PLCB3: variants seen among roughly 807,000 people sequenced by gnomAD.
PLCB3 encodes phospholipase C beta 3.
In PLCB3, 54 loss-of-function variants were observed where a neutral mutation model predicts 152.1. That is an observed-to-expected ratio of 0.36 (90% CI 0.29 to 0.45). The LOEUF (loss-of-function observed/expected upper bound fraction) is 0.45, where lower values mean the gene tolerates loss of function less well. Ranked by LOEUF, PLCB3 falls within the 20% of genes least tolerant of loss-of-function variation. PLCB3 has a pLI of 1.00. For synonymous variants in PLCB3, 717 were observed against 698.7 expected, an observed-to-expected ratio of 1.03 and a Z score of -0.41; for missense variants, 1,248 against 1,687.5, an observed-to-expected ratio of 0.74 and a Z score of 4.56.
rs1232583798 is a variant in PLCB3 at position 64,261,582 on chromosome 11, G to A, written c.1830G>A (p.Lys610=). The A allele has an allele frequency of 6.2e-7, 1 of 1,614,150 alleles. No homozygotes were observed. Among genetic ancestry groups the A allele is most frequent in the Non-Finnish European group, 8.5e-7 (1 of 1,179,980 alleles). Residue 610 remains lysine (K), a splice_region_variant and synonymous_variant, in exon 16 of 31, where the codon AAG becomes AAA. Coordinates refer to ENST00000279230, the MANE Select transcript of PLCB3 (RefSeq NM_000932.5). ...GCCCTTTCTTGGCTCACCCCTAAGA[G>A]AGGAACAAATGCTTCGAGATGTCGT... ...VKFKSFEAAR[K]RNKCFEMSSF... is the part of the protein sequence containing the mutation.
rs147676019 is a variant in PLCB3 at position 64,265,395 on chromosome 11, G to A, written c.2928G>A (p.Glu976=). 95 of 1,612,558 alleles carry A rather than the reference G, an allele frequency of 5.9e-5. 1 individual carries two copies. The highest frequency in any genetic ancestry group is 3.4e-4 in the South Asian group (31 of 91,062). Residue 976 remains glutamate, a synonymous_variant, in exon 25 of 31, where the codon GAG becomes GAA. Coordinates refer to ENST00000279230, the MANE Select transcript of PLCB3 (RefSeq NM_000932.5). The part of the protein sequence containing the change: ...LRSRQERDLR[E]LRKKHQRKAV... ...GCCGGCAAGAGCGAGACCTGCGGGA[G>A]CTGCGCAAGAAGCATCAGCGGAAGG... is the stretch of plus-strand genomic sequence containing the variant.
chr11:64,256,498 T>C lies in PLCB3; in HGVS notation c.821T>C (p.Leu274Pro). ...YPPLRPSQAR[L>P]LIEKYEPNQQ... ...CCCCTGCGGCCCTCCCAGGCCCGGCTGCTCATCGAAAAGTATGAGCCCAAC... is the reference window on the plus strand; with the variant it reads ...CCCCTGCGGCCCTCCCAGGCCCGGCCGCTCATCGAAAAGTATGAGCCCAAC... The change falls in exon 9 of 31, where the codon CTG (leucine) becomes CCG (proline). Residue 274 changes from leucine to proline, a missense_variant. Transcript: ENST00000279230. 3 of 1,613,864 alleles carry C rather than the reference T, an allele frequency of 1.9e-6. No individual in the cohort carries two copies. The highest frequency in any genetic ancestry group is 2.5e-6 in the Non-Finnish European group (3 of 1,180,008).
In PLCB3 at chr11:64,258,948, C is replaced by A. The variant is rs777447734; in HGVS notation, c.1317C>A (p.Ile439=). 6.2e-7 allele frequency: 1 copy of A among 1,613,550 alleles called. No homozygotes were observed. ...CCATCTTTGGAGACGCGCTACTCAT[C>A]GAGCCTCTGGACAAGTACCCGGTAC... ...CRSIFGDALL[I]EPLDKYPLAP... Residue 439 remains isoleucine (I), a synonymous_variant, in exon 12 of 31, where the codon ATC becomes ATA. Coordinates refer to ENST00000279230, the MANE Select transcript of PLCB3 (RefSeq NM_000932.5). The surrounding 1 kb of genome is among the most constrained non-coding windows in gnomAD (Gnocchi z 7.2).
chr11:64,258,754 C>T lies in PLCB3; in HGVS notation c.1253+41C>T, dbSNP rs1335841874. On this transcript the variant is annotated intron_variant, in intron 11 of 30. Transcript: ENST00000279230. This position sits in a 1 kb window ranked among gnomAD's most constrained non-coding sequence, Gnocchi z 7.2. ...GCATGAAACCCCATGGACCGGGGGA[C>T]AGTCTTCCAGCTTCAGTGCTGTTGG... 1.2e-5 allele frequency: 19 copies of T among 1,609,876 alleles called. No homozygotes were observed. The highest frequency in any genetic ancestry group is 2.7e-5 in the African/African-American group (2 of 74,988).
chr11:64,264,462 C>T (rs12049846), intron 22 of PLCB3, among the ~76,000 whole-genome samples: 4 of 152,112 alleles, frequency 2.6e-5, no homozygotes, highest in Non-Finnish European at 4.4e-5. Flanking sequence ...GGTTCACCTG[C>T]GCTTCCAGAT....
Position 64,264,037 on chromosome 11 carries a change from G to T in PLCB3, c.2577G>T (p.Leu859=), listed in dbSNP as rs777008948. 1 of 1,574,596 alleles carries T rather than the reference G, an allele frequency of 6.4e-7. No homozygotes were observed. The highest frequency in any genetic ancestry group is 1.2e-5 in the South Asian group (1 of 85,086). Residue 859 remains leucine, a synonymous_variant, in exon 22 of 31, where the codon CTG becomes CTT. Transcript: ENST00000279230. ...TCCCCCCAGACTATGCGGAGGCCCTGATCAACCCCATTAAGCACGTCAGCC... is the reference window on the plus strand; with the variant it reads ...TCCCCCCAGACTATGCGGAGGCCCTTATCAACCCCATTAAGCACGTCAGCC... The part of the protein sequence containing the change: ...PDDHQDYAEA[L]INPIKHVSLM...
rs2032207150 is a variant in PLCB3, at chr11:64,267,805, G to A, written c.*249G>A. The A allele has an allele frequency of 6.6e-6, 3 of 456,496 alleles. No homozygotes were observed. The highest frequency in any genetic ancestry group is 3.5e-5 in the East Asian group (1 of 28,456). 28.3% of individuals were successfully genotyped at this position (456,496 alleles called of 1,614,324 possible). Reference sequence around the variant, plus strand: ...ACACCCACACCCTCGAGCTAGCAGCGTCTCCTCCCTTCCCCGGGAGAGCTG... The same window carrying A: ...ACACCCACACCCTCGAGCTAGCAGCATCTCCTCCCTTCCCCGGGAGAGCTG... On this transcript the variant is annotated 3_prime_UTR_variant, in exon 31 of 31. Coordinates refer to ENST00000279230, the MANE Select transcript of PLCB3 (RefSeq NM_000932.5). The surrounding 1 kb of genome is among the most constrained non-coding windows in gnomAD (Gnocchi z 5.2).
In PLCB3 at chr11:64,255,866, AG is replaced by A. The variant is rs767862393; in HGVS notation, c.698+46del. 7.1e-7 allele frequency: 1 copy of A among 1,400,588 alleles called. No individual in the cohort carries two copies. Among genetic ancestry groups the A allele is most frequent in the Non-Finnish European group, 1.0e-6 (1 of 985,998 alleles). The allele number at this position is 1,400,588 out of a possible 1,614,324, so 86.8% of individuals were successfully genotyped here. On this transcript the variant is annotated intron_variant, in intron 8 of 30. Coordinates refer to ENST00000279230, the MANE Select transcript of PLCB3 (RefSeq NM_000932.5). The surrounding 1 kb of genome is among the most constrained non-coding windows in gnomAD (Gnocchi z 6.8). ...CTCACAACCCCTGTGCTCTGTGTTT[AG>A]CTTCTGCTTAGCGTGCCTCTAGCTC...
At chr11:64,263,928 A>G in intron 21 of PLCB3, 93 bp from the exon 22 acceptor site, 1 of 1,199,502 alleles carries the variant, frequency 8.3e-7, no homozygotes, top group South Asian at 1.3e-5. Flanking sequence ...ATCTGAGGAC[A>G]AGCTCTGGAA....
At chr11:64,253,449 C>T (rs1432910263) in intron 1 of PLCB3, among the ~76,000 whole-genome samples, 2 of 152,128 alleles carry the variant, frequency 1.3e-5, no homozygotes, top group South Asian at 2.1e-4. Flanking sequence ...GCAGTAGGGG[C>T]GGTGTGCGTA....
intron 1 of PLCB3, among the ~76,000 whole-genome samples, chr11:64,252,935 C>G (rs767979934): frequency 6.6e-6 from 1 of 152,142 alleles, no homozygotes; most frequent in African/African-American, 2.4e-5. Context: ...ATAGACTCCC[C>G]GCTCTGCACA....
chr11:64,265,915 A>C lies in PLCB3; in HGVS notation c.3065A>C (p.Lys1022Thr). 2 of 1,613,302 alleles carry C rather than the reference A, an allele frequency of 1.2e-6. No individual in the cohort carries two copies. The highest frequency in any genetic ancestry group is 1.7e-6 in the Non-Finnish European group (2 of 1,179,976). The change falls in exon 26 of 31, where the codon AAG becomes ACG. Residue 1022 changes from lysine to threonine, a missense_variant. Physicochemically the swap from Lys to Thr is moderately conservative, Grantham distance 78. Coordinates refer to ENST00000279230, the MANE Select transcript of PLCB3 (RefSeq NM_000932.5). ...GGGGCCGCTGATGTGGAGGACACGA[A>C]GGAGGGGGAGGACGAGGCAAAGCGG... ...LGGAADVEDT[K>T]EGEDEAKRYQ...
chr11:64,258,546 G>A lies in PLCB3; in HGVS notation c.1086G>A (p.Glu362=). The A allele has an allele frequency of 6.2e-7, 1 of 1,613,978 alleles. No homozygotes were observed. The highest frequency in any genetic ancestry group is 8.5e-7 in the Non-Finnish European group (1 of 1,180,008). ...QALLWGCRCV[E]LDVWKGRPPE... ...TACTATGGGGCTGCCGCTGCGTGGA[G>A]CTGGACGTGTGGAAGGGACGGCCGC... Residue 362 remains glutamate, a synonymous_variant, in exon 11 of 31, where the codon GAG becomes GAA. Transcript: ENST00000279230. This position sits in a 1 kb window ranked among gnomAD's most constrained non-coding sequence, Gnocchi z 7.2.
At chr11:64,260,296 G>C in intron 14 of PLCB3, 62 bp downstream of exon 14, 1 of 1,245,848 alleles carries the variant, frequency 8.0e-7, no homozygotes, top group Non-Finnish European at 1.1e-6. Flanking sequence ...AGGGGGCTGG[G>C]TCTGACCATC....
Position 64,267,418 on chromosome 11 carries a change from G to A in PLCB3, c.3567G>A (p.Arg1189=). Residue 1189 remains arginine, a synonymous_variant, in exon 31 of 31, where the codon CGG becomes CGA. Coordinates refer to ENST00000279230, the MANE Select transcript of PLCB3 (RefSeq NM_000932.5). The surrounding 1 kb of genome is among the most constrained non-coding windows in gnomAD (Gnocchi z 5.2). ...CGAGGCTCCCCCAGGAGATCCGCCGGAGCCTGCTGGGCGAGATGCCGGAGG... is the reference window on the plus strand; with the variant it reads ...CGAGGCTCCCCCAGGAGATCCGCCGAAGCCTGCTGGGCGAGATGCCGGAGG... The part of the protein sequence containing the change: ...QRARLPQEIR[R]SLLGEMPEGL... 6.5e-7 allele frequency: 1 copy of A among 1,543,192 alleles called. No individual in the cohort carries two copies. Among genetic ancestry groups the A allele is most frequent in the Non-Finnish European group, 8.7e-7 (1 of 1,144,188 alleles).
At chr11:64,259,847 C>A (rs1384895105) in intron 13 of PLCB3, among the ~76,000 whole-genome samples, 182 bp from the exon 14 acceptor site, 2 of 152,192 alleles carry the variant, frequency 1.3e-5, no homozygotes, top group African/African-American at 4.8e-5. Flanking sequence ...CCCCTCTCAA[C>A]CCATACTGGG....
chr11:64,252,723 C>A (rs1017869163), intron 1 of PLCB3, among the ~76,000 whole-genome samples: 23 of 152,020 alleles, frequency 1.5e-4, no homozygotes, highest in South Asian at 4.1e-4. Context: ...CCCCTCCCCC[C>A]AGGCTGGCCT....
At position 64,266,376 on chromosome 11, in the gene PLCB3, A is replaced by G. The variant is rs1442821717; in HGVS notation, c.3328A>G (p.Lys1110Glu). The G allele has an allele frequency of 1.2e-6, 2 of 1,609,744 alleles. No homozygotes were observed. The highest frequency in any genetic ancestry group is 8.5e-7 in the Non-Finnish European group (1 of 1,176,346). The part of the protein sequence containing the change: ...RKRHNSISEA[K>E]MRDKHKKEAE... ...GCGCCATAACAGCATCTCGGAGGCC[A>G]AGATGAGGGACAAGCATAAGAAGGA... Residue 1110 changes from lysine (K) to glutamate (E), a missense_variant, in exon 28 of 31, where the codon AAG (lysine) becomes GAG (glutamate). Lys to Glu is a moderately conservative substitution (Grantham distance 56). Around this residue, in one of 6 missense-constraint regions of PLCB3, gnomAD observed 477 missense variants for 489.6 expected, o/e 0.97. Transcript: ENST00000279230. The surrounding 1 kb of genome is among the most constrained non-coding windows in gnomAD (Gnocchi z 4.9).
chr11:64,251,804 G>T, intron 1 of PLCB3, 56 bp downstream of exon 1: 1 of 1,073,040 alleles, frequency 9.3e-7, no homozygotes, highest in South Asian at 2.3e-5. Flanking sequence ...AGTCAAGCTC[G>T]ACCAGACGCT....
Sources: gnomAD v4.1 joint callset for allele counts (sites outside exome capture counted in the v4.1 genomes callset) on GRCh38, gnomAD v4.1.1 for gene constraint, gnomAD v4.1.1 regional missense constraint, Gnocchi (gnomAD v3.1) non-coding constraint, MANE v1.5 for transcripts, NCBI Gene and HGNC (gene_info 2026-07-23, HGNC 2026-07-21) for gene names.